The following KCND2 variants were observed in gnomAD, a reference collection of about 807,000 sequenced individuals.
The protein encoded by KCND2 is A-type voltage-gated potassium channel KCND2.
In KCND2, 16 loss-of-function variants were observed where a neutral mutation model predicts 54.4. The ratio of observed to expected loss-of-function variants is 0.29; its 90% CI spans 0.20 to 0.45. The LOEUF (loss-of-function observed/expected upper bound fraction) is 0.45, where lower values mean the gene tolerates loss of function less well. KCND2 is among the 20% of genes least tolerant of loss of function. KCND2 has a pLI of 1.00. For synonymous variants in KCND2, 317 were observed against 310.7 expected (o/e 1.02, Z -0.21); for missense variants, 486 against 824.2 (o/e 0.59, Z 5.02).
At chr7:120,312,435 A>T (rs1164752513) in intron 1 of KCND2, among the ~76,000 whole-genome samples, 2 of 152,150 alleles carry the variant, frequency 1.3e-5, no homozygotes, top group Admixed American at 1.3e-4. Context: ...ACGATATACA[A>T]CAGGTAATTT....
At chr7:120,543,567 G>T (rs1320037694) in intron 1 of KCND2, among the ~76,000 whole-genome samples, 1 of 151,930 alleles carries the variant, frequency 6.6e-6, no homozygotes, top group African/African-American at 2.4e-5. Context: ...AAATTTGAAT[G>T]GGTGATTATA....
At chr7:120,738,547 C>A (rs534633683) in intron 2 of KCND2, among the ~76,000 whole-genome samples, 13 of 151,902 alleles carry the variant, frequency 8.6e-5, no homozygotes, top group African/African-American at 2.9e-4. Flanking sequence ...AAAATGTAAA[C>A]CTTGCTTTAA....
rs80281260 is a variant in KCND2, at chr7:120,657,155, A to G, written c.1116-75748A>G. On this transcript the variant is annotated intron_variant, in intron 1 of 5. Transcript: ENST00000331113. ...TGTGTCAAGAAGAGACATTGTTACTAAACTAGATATGCATGGAAATGGAAT... is the reference window on the plus strand; with the variant it reads ...TGTGTCAAGAAGAGACATTGTTACTGAACTAGATATGCATGGAAATGGAAT... 9.9e-3 allele frequency among the ~76,000 whole-genome samples: 1,511 copies of G among 152,322 alleles called. 9 individuals are homozygous for G. Among genetic ancestry groups the G allele is most frequent in the Non-Finnish European group, 0.015 (1,037 of 68,028 alleles).
At chr7:120,290,871 C>T (rs12666459) in intron 1 of KCND2, among the ~76,000 whole-genome samples, 100,309 of 151,704 alleles carry the variant, frequency 0.66, 38,020 homozygotes, top group South Asian at 0.91. Context: ...TGCTGTTATC[C>T]GTAGGTTGGG....
At chr7:120,421,863 T>A (rs112084461) in intron 1 of KCND2, among the ~76,000 whole-genome samples, 9 of 152,230 alleles carry the variant, frequency 5.9e-5, no homozygotes, top group African/African-American at 2.2e-4. Context: ...GCCCACCTGC[T>A]CCCTGAAAGA....
chr7:120,698,962 A>T (rs1792366169), intron 1 of KCND2, among the ~76,000 whole-genome samples: 1 of 152,186 alleles, frequency 6.6e-6, no homozygotes, highest in Non-Finnish European at 1.5e-5. Context: ...GAGATGGGAG[A>T]TGATTAAAGT....
At chr7:120,276,698 T>C (rs930320583) in intron 1 of KCND2, among the ~76,000 whole-genome samples, 1 of 152,140 alleles carries the variant, frequency 6.6e-6, no homozygotes, top group African/African-American at 2.4e-5. Flanking sequence ...TAATATACTT[T>C]TAGGGCTAGA....
intron 1 of KCND2, among the ~76,000 whole-genome samples, chr7:120,504,254 A>T (rs1802982510): frequency 6.6e-6 from 1 of 151,988 alleles, no homozygotes; most frequent in African/African-American, 2.4e-5. Context: ...ATAATTCTTT[A>T]GTTCAAAACA....
intron 1 of KCND2, among the ~76,000 whole-genome samples, chr7:120,324,588 T>G (rs964745155): frequency 6.7e-5 from 10 of 149,688 alleles, no homozygotes; most frequent in African/African-American, 2.2e-4. Context: ...TTTCTCAGGT[T>G]TGTCAAAGAT....
chr7:120,528,224 A>G (rs925373966), intron 1 of KCND2, among the ~76,000 whole-genome samples: 4 of 152,152 alleles, frequency 2.6e-5, no homozygotes, highest in African/African-American at 9.7e-5. Context: ...AAACGACAGC[A>G]GTTATAGAAT....
At chr7:120,709,022 C>G (rs1792504985) in intron 1 of KCND2, among the ~76,000 whole-genome samples, 1 of 152,064 alleles carries the variant, frequency 6.6e-6, no homozygotes, top group Non-Finnish European at 1.5e-5. Context: ...ATCAAATTCT[C>G]TGTGTATTCA....
chr7:120,308,191 T>C (rs770247321), intron 1 of KCND2, among the ~76,000 whole-genome samples: 5 of 152,124 alleles, frequency 3.3e-5, no homozygotes, highest in Admixed American at 6.6e-5. Context: ...AAAATCTCTC[T>C]TAGCCATATC....
chr7:120,318,838 T>A (rs1799852469), intron 1 of KCND2, among the ~76,000 whole-genome samples: 1 of 152,062 alleles, frequency 6.6e-6, no homozygotes, highest in Admixed American at 6.6e-5. Context: ...TTTGGAACAA[T>A]GCATTAAACA....
intron 1 of KCND2, among the ~76,000 whole-genome samples, chr7:120,688,759 T>C (rs1307853066): frequency 6.6e-6 from 1 of 152,144 alleles, no homozygotes; most frequent in African/African-American, 2.4e-5. Context: ...AAAAAAATGT[T>C]AAAAGAACAA....
chr7:120,433,487 A>C (rs1801822615), intron 1 of KCND2, among the ~76,000 whole-genome samples: 1 of 152,214 alleles, frequency 6.6e-6, no homozygotes, highest in Non-Finnish European at 1.5e-5. Context: ...AATATGCTTC[A>C]ATCTACTGGT....
intron 1 of KCND2, among the ~76,000 whole-genome samples, chr7:120,486,219 C>G (rs1802691224): frequency 6.6e-6 from 1 of 151,884 alleles, no homozygotes; most frequent in African/African-American, 2.4e-5. Flanking sequence ...AACATAAAAC[C>G]AGGGAGGTCA....
At chr7:120,702,086 A>G (rs1458896730) in intron 1 of KCND2, among the ~76,000 whole-genome samples, 2 of 152,188 alleles carry the variant, frequency 1.3e-5, no homozygotes, top group Non-Finnish European at 2.9e-5. Flanking sequence ...AGCATCTGAG[A>G]GGAACTTAAA....
At chr7:120,455,146 A>G (rs929258662) in intron 1 of KCND2, among the ~76,000 whole-genome samples, 2 of 152,130 alleles carry the variant, frequency 1.3e-5, no homozygotes, top group African/African-American at 4.8e-5. Context: ...TTTTTATCAA[A>G]CTGTCAATTA....
chr7:120,661,197 C>G (rs1202785109), intron 1 of KCND2, among the ~76,000 whole-genome samples: 1 of 152,168 alleles, frequency 6.6e-6, no homozygotes. Context: ...CTCCTGGAAG[C>G]TGAGACCAAA....
Sources: allele counts gnomAD v4.1 joint callset (sites outside exome capture counted in the v4.1 genomes callset), GRCh38; gene constraint gnomAD v4.1.1; transcripts MANE v1.5; gene names NCBI Gene and HGNC (gene_info 2026-07-23, HGNC 2026-07-21).